The following GRM5 variants were observed in gnomAD, a reference collection of about 807,000 sequenced individuals.
GRM5 encodes glutamate metabotropic receptor 5.
GRM5 carries 19 observed loss-of-function variants against 83.1 expected under a neutral mutation model. The observed-to-expected ratio is 0.23, with a 90% CI of 0.16 to 0.34. The LOEUF is 0.34. Among genes scored for constraint, GRM5 ranks in the 10% least tolerant of loss-of-function variants. GRM5 has a pLI of 1.00. For synonymous variants in GRM5, 675 were observed against 633.6 expected, an observed-to-expected ratio of 1.07 and a Z score of -0.98; for missense variants, 1,160 against 1,588.3, an observed-to-expected ratio of 0.73 and a Z score of 4.58.
At chr11:88,799,011 T>C (rs10501687) in intron 3 of GRM5, among the ~76,000 whole-genome samples, 41,544 of 151,730 alleles carry the variant, frequency 0.27, 6,852 homozygotes, top group Non-Finnish European at 0.38. Context: ...AAATCTCTGT[T>C]TAGTATCCAA....
intron 1 of GRM5, 129 bp from the exon 2 acceptor site, chr11:89,048,201 C>T (rs1025333800): frequency 5.9e-5 from 14 of 236,696 alleles, no homozygotes; most frequent in African/African-American, 2.3e-4. Context: ...AATTCAAAAA[C>T]GTTTCTGACT....
intron 2 of GRM5, among the ~76,000 whole-genome samples, chr11:88,875,094 T>C (rs953814263): frequency 6.6e-6 from 1 of 151,404 alleles, no homozygotes; most frequent in African/African-American, 2.4e-5. Flanking sequence ...TTTTTTTTTT[T>C]CATGAAAGAT....
At chr11:88,667,443 C>G (rs1191510763) in intron 3 of GRM5, among the ~76,000 whole-genome samples, 1 of 152,012 alleles carries the variant, frequency 6.6e-6, no homozygotes, top group Non-Finnish European at 1.5e-5. Flanking sequence ...GTAATTCACA[C>G]TCAGGTTTAT....
chr11:88,930,376 T>C (rs530897640), intron 2 of GRM5, among the ~76,000 whole-genome samples: 4 of 152,266 alleles, frequency 2.6e-5, no homozygotes, highest in African/African-American at 7.2e-5. Context: ...TTTGTACCAC[T>C]GTATTCCAGC....
chr11:88,826,537 C>T (rs1170032414), intron 3 of GRM5, among the ~76,000 whole-genome samples: 2 of 151,992 alleles, frequency 1.3e-5, no homozygotes, highest in Non-Finnish European at 2.9e-5. Context: ...GGACCAGCAT[C>T]TGGTAGCCAC....
At chr11:88,630,715 G>A (rs6416004) in intron 4 of GRM5, among the ~76,000 whole-genome samples, 151,211 of 152,120 alleles carry the variant, frequency 0.99, 75,164 homozygotes, top group East Asian at 1. Context: ...AGTGTCTAGT[G>A]TTACAGGCAT....
chr11:88,727,438 G>T (rs886495440), intron 3 of GRM5, among the ~76,000 whole-genome samples: 34 of 152,144 alleles, frequency 2.2e-4, no homozygotes, highest in African/African-American at 7.7e-4. Context: ...AATAATAGTG[G>T]AAGACTTTAA....
intron 7 of GRM5, among the ~76,000 whole-genome samples, chr11:88,583,620 T>G (rs78964357): frequency 0.013 from 2,011 of 152,332 alleles, 47 homozygotes; most frequent in African/African-American, 0.046. Flanking sequence ...AAGCCCCACC[T>G]GTAAGTGTTT....
intron 3 of GRM5, among the ~76,000 whole-genome samples, chr11:88,687,346 T>C (rs78415435): frequency 2.0e-5 from 3 of 147,042 alleles, no homozygotes; most frequent in African/African-American, 7.6e-5. Context: ...GCATGGTGGC[T>C]GGTGCCTGTA....
At chr11:88,824,066 T>G (rs1943850219) in intron 3 of GRM5, among the ~76,000 whole-genome samples, 1 of 152,248 alleles carries the variant, frequency 6.6e-6, no homozygotes, top group Non-Finnish European at 1.5e-5. Context: ...CTTTGTAATT[T>G]AGTTACTACT....
intron 2 of GRM5, among the ~76,000 whole-genome samples, chr11:88,888,986 A>G (rs968501644): frequency 6.6e-6 from 1 of 152,202 alleles, no homozygotes; most frequent in Non-Finnish European, 1.5e-5. Flanking sequence ...CCACCATTTT[A>G]CAATGTTTGC....
chr11:88,869,124 A>G lies in GRM5; in HGVS notation c.662-18969T>C, dbSNP rs550471810. Among the ~76,000 whole-genome samples the G allele has an allele frequency of 1.2e-4, 18 of 151,822 alleles. No individual in the cohort carries two copies. The East Asian group carries it at 3.1e-3, about 26-fold the overall frequency. On this transcript the variant is annotated intron_variant, in intron 2 of 9. Transcript: ENST00000305447. ...GCTCTGAAGCAGATGGAAGCAGCCA[A>G]TGTGGCTCCTTTTTTTCCTTTAATC...
chr11:89,018,292 C>G (rs1940906727), intron 2 of GRM5, among the ~76,000 whole-genome samples: 1 of 152,052 alleles, frequency 6.6e-6, no homozygotes, highest in Admixed American at 6.6e-5. Flanking sequence ...AGAATAGAGC[C>G]TTGCCCCTCA....
At chr11:88,561,154 A>T (rs772794669) in intron 8 of GRM5, among the ~76,000 whole-genome samples, 35 of 152,174 alleles carry the variant, frequency 2.3e-4, no homozygotes, top group Non-Finnish European at 3.1e-4. Flanking sequence ...CTCTGACAAC[A>T]ATTGGAGTAT....
At chr11:89,022,380 C>T (rs181426984) in intron 2 of GRM5, among the ~76,000 whole-genome samples, 60 of 151,848 alleles carry the variant, frequency 4.0e-4, no homozygotes, top group African/African-American at 1.3e-3. Context: ...CGGTGGCTCA[C>T]GTCTGTAATC....
chr11:88,611,819 G>A (rs1406310589), intron 4 of GRM5, among the ~76,000 whole-genome samples: 1 of 151,960 alleles, frequency 6.6e-6, no homozygotes, highest in Non-Finnish European at 1.5e-5. Flanking sequence ...ATGTTAGGTT[G>A]TTAATTTGAG....
chr11:88,911,085 T>C (rs1270414608), intron 2 of GRM5, among the ~76,000 whole-genome samples: 1 of 152,118 alleles, frequency 6.6e-6, no homozygotes, highest in Non-Finnish European at 1.5e-5. Flanking sequence ...TATTTTTTCC[T>C]AGTCACTTCT....
At chr11:88,760,366 A>G (rs915950841) in intron 3 of GRM5, among the ~76,000 whole-genome samples, 18 of 152,254 alleles carry the variant, frequency 1.2e-4, no homozygotes, top group Admixed American at 9.8e-4. Context: ...ATTAGAAATG[A>G]CAAAGGTGAT....
At chr11:88,920,888 C>A (rs1051801867) in intron 2 of GRM5, among the ~76,000 whole-genome samples, 35 of 152,152 alleles carry the variant, frequency 2.3e-4, no homozygotes, top group African/African-American at 8.4e-4. Flanking sequence ...AGGAACAAAT[C>A]TACTTTGACA....
Sources: gnomAD v4.1 joint callset for allele counts (sites outside exome capture counted in the v4.1 genomes callset) on GRCh38, gnomAD v4.1.1 for gene constraint, MANE v1.5 for transcripts, NCBI Gene and HGNC (gene_info 2026-07-23, HGNC 2026-07-21) for gene names.